The following WDPCP variants were observed in gnomAD, a reference collection of about 807,000 sequenced individuals.
The protein encoded by WDPCP is WD repeat containing planar cell polarity effector.
Under a neutral mutation model 93.1 loss-of-function variants are expected in WDPCP, and 71 were observed. That is an observed-to-expected ratio of 0.76 (90% CI 0.63 to 0.93). The LOEUF is 0.93. WDPCP is among the 40% of genes least tolerant of loss of function. The probability of loss-of-function intolerance (pLI) is 0.00; values close to 1 mark genes in which losing one functional copy is unlikely to be tolerated. For missense variants in WDPCP, 844 were observed against 887.4 expected, an observed-to-expected ratio of 0.95 and a Z score of 0.62; for synonymous variants, 315 against 315.0, an observed-to-expected ratio of 1.00 and a Z score of 0.00.
intron 9 of WDPCP, among the ~76,000 whole-genome samples, chr2:63,406,687 AAG>A (rs1694614650): frequency 6.6e-6 from 1 of 152,198 alleles, no homozygotes; most frequent in Admixed American, 6.5e-5. Flanking sequence ...AGTCATATAG[AAG>A]TATGACTGGA....
At chr2:63,462,322 G>A (rs1327061102) in intron 6 of WDPCP, among the ~76,000 whole-genome samples, 1 of 152,114 alleles carries the variant, frequency 6.6e-6, no homozygotes, top group Non-Finnish European at 1.5e-5. Flanking sequence ...GACACAGGGT[G>A]GGGAACATCA....
rs911086166 is a variant in WDPCP at position 63,571,772 on chromosome 2, T to C, written c.75+16425A>G. 1.3e-5 allele frequency: 5 copies of C among 378,934 alleles called. No individual in the cohort carries two copies. In the Admixed American group the frequency reaches 1.4e-4, roughly 10 times the overall value. 23.5% of individuals were successfully genotyped at this position (378,934 alleles called of 1,614,324 possible). ...GATGAACTACAATGCTTCAACATGA[T>C]ATATTCATAGTTATTCGTATCATAC... On this transcript the variant is annotated intron_variant, in intron 1 of 17. Transcript: ENST00000272321.
At chr2:63,512,334 G>C (rs137935339) in intron 1 of WDPCP, among the ~76,000 whole-genome samples, 10 of 152,152 alleles carry the variant, frequency 6.6e-5, no homozygotes, top group Non-Finnish European at 1.3e-4. Flanking sequence ...ACAGTGTGGC[G>C]ATTCCTCAAG....
intron 2 of WDPCP, among the ~76,000 whole-genome samples, chr2:63,667,015 C>G (rs1476656050): frequency 3.8e-5 from 2 of 52,792 alleles, no homozygotes; most frequent in Non-Finnish European, 6.3e-5. Flanking sequence ...ATGGAACCAT[C>G]TCCTGGAAAC....
intron 17 of WDPCP, among the ~76,000 whole-genome samples, chr2:63,144,123 C>T (rs2103732326): frequency 6.6e-6 from 1 of 152,174 alleles, no homozygotes; most frequent in East Asian, 1.9e-4. Context: ...TTCTTCATGA[C>T]TTTCTTCATA....
chr2:63,257,970 T>C (rs1681279586), intron 14 of WDPCP, among the ~76,000 whole-genome samples: 1 of 152,106 alleles, frequency 6.6e-6, no homozygotes, highest in Non-Finnish European at 1.5e-5. Context: ...GGGATAGGGA[T>C]GGAGGATATT....
chr2:63,487,430 C>CAA lies in WDPCP; in HGVS notation c.208+16_208+17insTT. 6.4e-7 allele frequency: 1 copy of CAA among 1,566,356 alleles called. No individual in the cohort carries two copies. ...ATTTAGTTAATAAAAATTAATTGCA[C>CAA]AGAATAGGTACTTTACCTGGTGGAT... On this transcript the variant is annotated intron_variant, in intron 3 of 17. Transcript: ENST00000272321.
chr2:63,691,262 G>A (rs1668883762), intron 2 of WDPCP, among the ~76,000 whole-genome samples: 4 of 152,202 alleles, frequency 2.6e-5, no homozygotes, highest in Admixed American at 2.0e-4. Flanking sequence ...TAGGATACAA[G>A]GATAGAAATG....
intron 13 of WDPCP, among the ~76,000 whole-genome samples, chr2:63,300,984 G>A (rs1375137635): frequency 1.3e-5 from 2 of 152,046 alleles, no homozygotes; most frequent in Non-Finnish European, 2.9e-5. Context: ...TAGAGCACAT[G>A]GCATTTCCAG....
At chr2:63,574,250 C>T (rs1259720870) in intron 1 of WDPCP, among the ~76,000 whole-genome samples, 1 of 152,076 alleles carries the variant, frequency 6.6e-6, no homozygotes, top group Non-Finnish European at 1.5e-5. Context: ...CGGAAGCTGC[C>T]GACATGTGAT....
At chr2:63,599,473 C>G in intron 3 of WDPCP, 2 of 507,112 alleles carry the variant, frequency 3.9e-6, no homozygotes, top group East Asian at 4.2e-5. Flanking sequence ...TAAATGTATT[C>G]TCTTAAAGGA....
intron 17 of WDPCP, among the ~76,000 whole-genome samples, chr2:63,138,069 A>ATTTTTT (rs34667163): frequency 2.3e-4 from 27 of 117,094 alleles, no homozygotes; most frequent in African/African-American, 8.3e-4. Context: ...GTTCCATATG[A>ATTTTTT]TTTTTTTTTT....
At chr2:63,181,457 C>T (rs529582628) in intron 14 of WDPCP, among the ~76,000 whole-genome samples, 1 of 152,170 alleles carries the variant, frequency 6.6e-6, no homozygotes, top group South Asian at 2.1e-4. Context: ...GATGTCCTTT[C>T]CTCAGGGTAT....
At chr2:63,250,280 A>T (rs1223817806) in intron 14 of WDPCP, among the ~76,000 whole-genome samples, 6 of 152,164 alleles carry the variant, frequency 3.9e-5, no homozygotes, top group Admixed American at 3.9e-4. Flanking sequence ...GGACAAAGGG[A>T]TTCACATCCT....
intron 2 of WDPCP, among the ~76,000 whole-genome samples, chr2:63,755,636 C>G (rs1669956690): frequency 2.6e-5 from 4 of 152,150 alleles, no homozygotes. Context: ...TTGTTCTTGT[C>G]TATAGAATCT....
intron 15 of WDPCP, among the ~76,000 whole-genome samples, chr2:63,163,817 C>A (rs1016214731): frequency 1.3e-5 from 2 of 151,946 alleles, no homozygotes; most frequent in Non-Finnish European, 2.9e-5. Context: ...AAATTTTCAT[C>A]CATTATATTG....
chr2:63,557,246 G>A (rs1014644967), intron 1 of WDPCP, among the ~76,000 whole-genome samples: 19 of 152,144 alleles, frequency 1.2e-4, no homozygotes, highest in African/African-American at 4.3e-4. Context: ...CCCCAACAGT[G>A]TGCTGTATTC....
intron 17 of WDPCP, among the ~76,000 whole-genome samples, chr2:63,137,607 T>A: frequency 6.6e-6 from 1 of 152,208 alleles, no homozygotes; most frequent in Admixed American, 6.5e-5. Flanking sequence ...ACTTTTGGCA[T>A]CTTCATCATG....
intron 2 of WDPCP, among the ~76,000 whole-genome samples, chr2:63,676,792 T>C (rs201404397): frequency 0.048 from 7,294 of 150,584 alleles, 1,055 homozygotes; most frequent in Non-Finnish European, 0.071. Context: ...GAACTACACA[T>C]ACACACACAC....
Sources: allele counts gnomAD v4.1 joint callset (sites outside exome capture counted in the v4.1 genomes callset), GRCh38; gene constraint gnomAD v4.1.1; transcripts MANE v1.5; gene names NCBI Gene and HGNC (gene_info 2026-07-23, HGNC 2026-07-21).